The following ASTN2 variants were observed in gnomAD, a reference collection of about 807,000 sequenced individuals.
The protein encoded by ASTN2 is astrotactin-2.
In ASTN2, 54 loss-of-function variants were observed where a neutral mutation model predicts 139.8. The observed-to-expected ratio is 0.39, with a 90% CI of 0.31 to 0.48. The LOEUF is 0.48. ASTN2 is among the 20% of genes least tolerant of loss of function. ASTN2 has a pLI of 0.95. For missense variants in ASTN2, 1,565 were observed against 1,725.1 expected (o/e 0.91, Z 1.64); for synonymous variants, 756 against 719.5 (o/e 1.05, Z -0.81).
rs181191329 is a variant in ASTN2 at position 116,643,027 on chromosome 9, C to T, written c.3072+8501G>A. ...AATTCTCACCCCACAATTCACTAGC[C>T]ATGTTATCTTAAGTAAATTATTCAC... On this transcript the variant is annotated intron_variant, in intron 17 of 22. Coordinates refer to ENST00000313400, the MANE Select transcript of ASTN2 (RefSeq NM_001365068.1). Among the ~76,000 whole-genome samples the T allele has an allele frequency of 2.0e-5, 3 of 152,270 alleles. No individual in the cohort carries two copies. In the East Asian group the frequency reaches 5.8e-4, roughly 29 times the overall value.
At chr9:116,727,045 CACACACACA>C (rs1828646767) in intron 15 of ASTN2, among the ~76,000 whole-genome samples, 4 of 150,108 alleles carry the variant, frequency 2.7e-5, no homozygotes, top group South Asian at 2.1e-4. Context: ...CACACACACA[CACACACACA>C]CCTGAAATGG....
chr9:117,042,492 A>G (rs2132653010), intron 5 of ASTN2, among the ~76,000 whole-genome samples: 1 of 152,316 alleles, frequency 6.6e-6, no homozygotes, highest in African/African-American at 2.4e-5. Context: ...GTTAAATAGA[A>G]GAGTAAATTA....
intron 2 of ASTN2, among the ~76,000 whole-genome samples, chr9:117,273,171 A>G (rs760783283): frequency 2.9e-4 from 44 of 152,202 alleles, no homozygotes; most frequent in Non-Finnish European, 4.4e-4. Flanking sequence ...GAAAATGAGG[A>G]AGAAGCAAAA....
At chr9:116,713,924 C>T (rs979068140) in intron 16 of ASTN2, among the ~76,000 whole-genome samples, 7 of 152,286 alleles carry the variant, frequency 4.6e-5, no homozygotes, top group Admixed American at 4.6e-4. Flanking sequence ...AATCCTGGCT[C>T]TACCTTTTAT....
intron 13 of ASTN2, among the ~76,000 whole-genome samples, chr9:116,754,441 T>G (rs1253528156): frequency 1.3e-5 from 2 of 152,248 alleles, no homozygotes; most frequent in Non-Finnish European, 2.9e-5. Context: ...TGTAAAAGCA[T>G]TCTTATTTCT....
chr9:116,894,212 G>C (rs970124686), intron 10 of ASTN2, among the ~76,000 whole-genome samples: 1 of 152,140 alleles, frequency 6.6e-6, no homozygotes, highest in Non-Finnish European at 1.5e-5. Flanking sequence ...TGAACCCAGA[G>C]TTTAGTTGGG....
intron 19 of ASTN2, among the ~76,000 whole-genome samples, chr9:116,563,565 T>G (rs951579846): frequency 6.6e-6 from 1 of 152,086 alleles, no homozygotes; most frequent in African/African-American, 2.4e-5. Flanking sequence ...TGCTCTTTGT[T>G]CAGGTCTCTC....
chr9:117,053,809 C>G (rs1004544175), intron 5 of ASTN2, among the ~76,000 whole-genome samples: 19 of 152,212 alleles, frequency 1.2e-4, no homozygotes, highest in African/African-American at 4.6e-4. Context: ...AGAGGTTCAG[C>G]TGCAAACCAC....
chr9:116,943,170 G>A (rs1050776262), intron 10 of ASTN2, among the ~76,000 whole-genome samples: 3 of 152,192 alleles, frequency 2.0e-5, no homozygotes, highest in African/African-American at 7.2e-5. Flanking sequence ...CTGAAGGGAA[G>A]GGGCAAATGG....
chr9:116,780,421 C>G lies in ASTN2; in HGVS notation c.2396+25211G>C, dbSNP rs1830187885. ...TCTGCTCCCCATGCTCTTAACCACT[C>G]TGCTGTATTCACCGTAATATAATCA... On this transcript the variant is annotated intron_variant, in intron 13 of 22. Coordinates refer to ENST00000313400, the MANE Select transcript of ASTN2 (RefSeq NM_001365068.1). Among the ~76,000 whole-genome samples, 5 of 152,194 alleles carry G rather than the reference C, an allele frequency of 3.3e-5. No individual in the cohort carries two copies. The South Asian group carries it at 1.0e-3, about 32-fold the overall frequency.
intron 3 of ASTN2, among the ~76,000 whole-genome samples, chr9:117,192,788 G>A (rs1051596979): frequency 1.3e-5 from 2 of 152,176 alleles, no homozygotes; most frequent in South Asian, 4.1e-4. Flanking sequence ...TGGGTATAAA[G>A]TACAATTGCA....
At chr9:116,934,604 AG>A (rs1489565854) in intron 10 of ASTN2, among the ~76,000 whole-genome samples, 7 of 152,136 alleles carry the variant, frequency 4.6e-5, no homozygotes. Flanking sequence ...ACACACACTG[AG>A]GCCTTTCAGG....
At chr9:117,382,757 G>A (rs949888437) in intron 1 of ASTN2, among the ~76,000 whole-genome samples, 1 of 152,208 alleles carries the variant, frequency 6.6e-6, no homozygotes, top group Admixed American at 6.5e-5. Flanking sequence ...TGAGCACAGA[G>A]AGAGGCAGTG....
At chr9:117,350,415 T>C (rs1384835484) in intron 1 of ASTN2, among the ~76,000 whole-genome samples, 1 of 151,768 alleles carries the variant, frequency 6.6e-6, no homozygotes, top group Non-Finnish European at 1.5e-5. Flanking sequence ...CCAAGCGTGG[T>C]CGTGGGCACC....
Position 116,698,347 on chromosome 9 carries a change from C to G in ASTN2, c.2806+27424G>C, listed in dbSNP as rs752937052. 6.2e-7 allele frequency: 1 copy of G among 1,614,144 alleles called. No individual in the cohort carries two copies. Among genetic ancestry groups the G allele is most frequent in the South Asian group, 1.1e-5 (1 of 91,084 alleles). ...AGGGTCCAGGATGAGCTGGCTCGCT[C>G]TCGGAAGTTCTTCACAGGCTCTTTG... On this transcript the variant is annotated intron_variant, in intron 16 of 22. Transcript: ENST00000313400. This position sits in a 1 kb window ranked among gnomAD's most constrained non-coding sequence, Gnocchi z 4.4.
At position 116,862,779 on chromosome 9, in the gene ASTN2, A is replaced by G. The variant is rs1344288759; in HGVS notation, c.2040+804T>C. On this transcript the variant is annotated intron_variant, in intron 11 of 22. Transcript: ENST00000313400. ...CTATGTGGCAATGTTTCCCAAGTGT[A>G]TTTTCAAGATACCCCAACACACACA... Among the ~76,000 whole-genome samples the G allele has an allele frequency of 2.7e-5, 4 of 148,724 alleles. No individual in the cohort carries two copies. The South Asian group carries it at 8.6e-4, about 32-fold the overall frequency.
intron 5 of ASTN2, among the ~76,000 whole-genome samples, chr9:117,073,050 G>C (rs1184286572): frequency 6.6e-6 from 1 of 152,176 alleles, no homozygotes; most frequent in African/African-American, 2.4e-5. Flanking sequence ...CAGAGAATCT[G>C]TAAAAAACAG....
rs187650024 is a variant in ASTN2 at position 116,933,530 on chromosome 9, T to C, written c.1889+41678A>G. On this transcript the variant is annotated intron_variant, in intron 10 of 22. Transcript: ENST00000313400. ...AACAGGAGCACTTAAGGAATTAAAC[T>C]ACAGCATTCATTTCACAAGAGGGGG... Among the ~76,000 whole-genome samples, 179 of 152,156 alleles carry C rather than the reference T, an allele frequency of 1.2e-3. 2 individuals carry two copies. The highest frequency in any genetic ancestry group is 0.01 in the Middle Eastern group (3 of 294).
rs1836831411 is a variant in ASTN2 at position 116,990,850 on chromosome 9, A to G, written c.1592-14065T>C. Among the ~76,000 whole-genome samples the G allele has an allele frequency of 1.3e-5, 2 of 152,200 alleles. 1 individual carries two copies. The highest frequency in any genetic ancestry group is 1.3e-4 in the Admixed American group (2 of 15,278). ...CAGCCTGCATCAGGCTTCACTACAG[A>G]GTCAGGTTTCATTGTTAGGTTCACT... On this transcript the variant is annotated intron_variant, in intron 7 of 22. Transcript: ENST00000313400.
Sources: allele counts gnomAD v4.1 joint callset (sites outside exome capture counted in the v4.1 genomes callset), GRCh38; gene constraint gnomAD v4.1.1; non-coding constraint Gnocchi (gnomAD v3.1); transcripts MANE v1.5; gene names NCBI Gene and HGNC (gene_info 2026-07-23, HGNC 2026-07-21).